Variants in PPP4R3B observed in about 807,000 individuals in gnomAD.
PPP4R3B encodes the protein protein phosphatase 4 regulatory subunit 3B.
Under a neutral mutation model 95.4 loss-of-function variants are expected in PPP4R3B, and 52 were observed. The observed-to-expected ratio is 0.54, with a 90% confidence interval of 0.44 to 0.69. The LOEUF is 0.69. Ranked by LOEUF, PPP4R3B falls within the 30% of genes least tolerant of loss-of-function variation. The pLI, the probability that PPP4R3B is intolerant of heterozygous loss-of-function variation, is 0.00. For missense variants in PPP4R3B, 1,003 were observed against 1,005.9 expected (o/e 1.00, Z 0.04); for synonymous variants, 407 against 343.9 (o/e 1.18, Z -2.03).
intron 13 of PPP4R3B, among the ~76,000 whole-genome samples, chr2:55,566,920 C>G (rs540766178): frequency 6.2e-4 from 95 of 152,294 alleles, no homozygotes; most frequent in African/African-American, 1.5e-3. Context: ...GTGGGAGGAT[C>G]TGCTTGAGCC....
intron 3 of PPP4R3B, among the ~76,000 whole-genome samples, chr2:55,600,815 G>T (rs975962106): frequency 6.6e-6 from 1 of 151,676 alleles, no homozygotes; most frequent in African/African-American, 2.4e-5. Flanking sequence ...GTAAAAGAGG[G>T]AAAAAAACAT....
At chr2:55,574,679 C>T (rs1688418912) in intron 11 of PPP4R3B, among the ~76,000 whole-genome samples, 1 of 151,476 alleles carries the variant, frequency 6.6e-6, no homozygotes, top group Non-Finnish European at 1.5e-5. Flanking sequence ...CAGTAAGCTC[C>T]ATCTCCTGGG....
intron 2 of PPP4R3B, among the ~76,000 whole-genome samples, chr2:55,605,976 A>T (rs1340589968): frequency 6.6e-6 from 1 of 151,670 alleles, no homozygotes; most frequent in African/African-American, 2.4e-5. Flanking sequence ...ACCTTTTTTT[A>T]AAAAAACCAG....
At chr2:55,610,255 G>GCTA (rs1693985588) in intron 2 of PPP4R3B, among the ~76,000 whole-genome samples, 1 of 152,072 alleles carries the variant, frequency 6.6e-6, no homozygotes, top group Admixed American at 6.5e-5. Flanking sequence ...AAAAGGTCTT[G>GCTA]CTACTCAAAG....
intron 2 of PPP4R3B, among the ~76,000 whole-genome samples, chr2:55,605,128 C>T (rs1309695993): frequency 6.6e-6 from 1 of 151,814 alleles, no homozygotes; most frequent in African/African-American, 2.4e-5. Context: ...TGAGCCACTG[C>T]ACCCAGCCTA....
chr2:55,568,128 TTC>T lies in PPP4R3B; in HGVS notation c.1935+64_1935+65del, dbSNP rs1201178823. 6 of 1,130,260 alleles carry T rather than the reference TTC, an allele frequency of 5.3e-6. No homozygotes were observed. The African/African-American group carries it at 9.6e-5, about 18-fold the overall frequency. The allele number at this position is 1,130,260 out of a possible 1,614,324, so 70.0% of individuals were successfully genotyped here. ...ATGAAGTCACTTTGCTTACATGTAA[TTC>T]TTTTACATAAAAAATTATTTACATA... On this transcript the variant is annotated intron_variant, in intron 13 of 16. Transcript: ENST00000616407.
chr2:55,577,513 A>C (rs895385284), intron 10 of PPP4R3B, among the ~76,000 whole-genome samples, 157 bp from the exon 11 acceptor site: 1 of 152,168 alleles, frequency 6.6e-6, no homozygotes, highest in South Asian at 2.1e-4. Flanking sequence ...AATTATAACT[A>C]TATCTGCAAT....
intron 4 of PPP4R3B, among the ~76,000 whole-genome samples, chr2:55,594,303 A>T (rs1382224401): frequency 2.8e-4 from 3 of 10,708 alleles, no homozygotes; most frequent in Admixed American, 2.7e-3. Flanking sequence ...AATCTAAAAT[A>T]AAAAAAAAAA....
At chr2:55,616,902 G>A (rs1293794320) in intron 1 of PPP4R3B, among the ~76,000 whole-genome samples, 2 of 152,138 alleles carry the variant, frequency 1.3e-5, no homozygotes, top group Admixed American at 6.6e-5. Flanking sequence ...TTCAAAAGAG[G>A]AGGGACTGGA....
rs763183036 is a variant in PPP4R3B, at chr2:55,549,879, G to A, written c.*32C>T. 8.7e-6 allele frequency: 13 copies of A among 1,487,936 alleles called. No individual in the cohort carries two copies. The Admixed American group carries it at 2.0e-4, about 23-fold the overall frequency. The allele number at this position is 1,487,936 out of a possible 1,614,324, so 92.2% of individuals were successfully genotyped here. A position where few individuals can be genotyped will look rare whatever the true frequency, so the allele number is the denominator to read the frequency against. ...TCACTGAACAGTTGCAGCATTGTAAGACCACATGTTGAGGGTCCCCTAATA... is the reference window on the plus strand; with the variant it reads ...TCACTGAACAGTTGCAGCATTGTAAAACCACATGTTGAGGGTCCCCTAATA... On this transcript the variant is annotated 3_prime_UTR_variant, in exon 17 of 17. Transcript: ENST00000616407.
rs565289188 is a variant in PPP4R3B, at chr2:55,595,212, T to C, written c.921+3204A>G. Among the ~76,000 whole-genome samples the C allele has an allele frequency of 1.1e-3, 170 of 151,944 alleles. 2 individuals are homozygous for C. The highest frequency in any genetic ancestry group is 3.4e-3 in the Middle Eastern group (1 of 294). The stretch of plus-strand genomic sequence containing the variant: ...CTAATTTTTGTATTTTTAGTAGAGA[T>C]GGAGTTTCGCCATGTTGGTCAGGCT... On this transcript the variant is annotated intron_variant, in intron 4 of 16. Transcript: ENST00000616407.
At chr2:55,581,822 C>A (rs1689480359) in intron 7 of PPP4R3B, 124 bp from the exon 8 acceptor site, 2 of 967,706 alleles carry the variant, frequency 2.1e-6, no homozygotes, top group Non-Finnish European at 1.4e-6. Flanking sequence ...AATGGAATAG[C>A]TTATTTAAAC....
chr2:55,600,644 TAAG>T (rs547283962), intron 3 of PPP4R3B, among the ~76,000 whole-genome samples: 227 of 152,198 alleles, frequency 1.5e-3, no homozygotes, highest in African/African-American at 4.9e-3. Flanking sequence ...GCACAGATTT[TAAG>T]AAGTAGAGTG....
intron 7 of PPP4R3B, among the ~76,000 whole-genome samples, chr2:55,583,467 A>G (rs1689695560): frequency 1.3e-5 from 2 of 152,218 alleles, no homozygotes; most frequent in South Asian, 4.1e-4. Context: ...ATTTTTAATT[A>G]AAACAGGAAT....
chr2:55,568,702 T>C (rs941220749), intron 12 of PPP4R3B, among the ~76,000 whole-genome samples: 8 of 152,178 alleles, frequency 5.3e-5, no homozygotes, highest in Non-Finnish European at 7.3e-5. Context: ...GCAAAATCCA[T>C]AGACTGCAAA....
intron 2 of PPP4R3B, among the ~76,000 whole-genome samples, chr2:55,607,806 C>G (rs1693627034): frequency 6.6e-6 from 1 of 152,140 alleles, no homozygotes. Context: ...GTGACTAGAT[C>G]TATAGATAGT....
At position 55,558,878 on chromosome 2, in the gene PPP4R3B, T is replaced by C. The variant is rs1347465384; in HGVS notation, c.2351A>G (p.Asn784Ser). 6.2e-7 allele frequency: 1 copy of C among 1,614,000 alleles called. No individual in the cohort carries two copies. Among genetic ancestry groups the C allele is most frequent in the African/African-American group, 1.3e-5 (1 of 74,910 alleles). ...FTFSHSASAA[N>S]GTNSKSVVAQ... ...CACTACAGATTTACTGTTTGTTCCA[T>C]TAGCAGCACTGGCAGAGTGGGAGAA... The change falls in exon 16 of 17, where the codon AAT (asparagine) becomes AGT (serine). Residue 784 changes from asparagine to serine, a missense_variant. Physicochemically the swap from Asn to Ser is conservative, Grantham distance 46. Around this residue, in one of 3 missense-constraint regions of PPP4R3B, gnomAD observed 229 missense variants for 194.7 expected, o/e 1.18. Coordinates refer to ENST00000616407, the MANE Select transcript of PPP4R3B (RefSeq NM_001122964.3).
chr2:55,613,458 AAAT>A, intron 2 of PPP4R3B, among the ~76,000 whole-genome samples: 1 of 152,090 alleles, frequency 6.6e-6, no homozygotes. Flanking sequence ...TAATTTTTTT[AAAT>A]AATGCATTTT....
At chr2:55,565,789 G>C (rs1258825809) in intron 13 of PPP4R3B, 3 of 195,016 alleles carry the variant, frequency 1.5e-5, no homozygotes, top group African/African-American at 7.0e-5. Context: ...AGCTGGCAAA[G>C]GCTTGATGAC....
Sources: gnomAD v4.1 joint callset for allele counts (sites outside exome capture counted in the v4.1 genomes callset) on GRCh38, gnomAD v4.1.1 for gene constraint, gnomAD v4.1.1 regional missense constraint, MANE v1.5 for transcripts, NCBI Gene and HGNC (gene_info 2026-07-23, HGNC 2026-07-21) for gene names.